MTAP: variants seen among roughly 807,000 people sequenced by gnomAD.
MTAP encodes the protein S-methyl-5'-thioadenosine phosphorylase.
In MTAP, 33 loss-of-function variants were observed where a neutral mutation model predicts 33.6. The ratio of observed to expected loss-of-function variants is 0.98; its 90% CI spans 0.74 to 1.31. The LOEUF (loss-of-function observed/expected upper bound fraction) is 1.31, where lower values mean the gene tolerates loss of function less well. MTAP is among the 40% of genes most tolerant of loss of function. The pLI is 0.00. For missense variants in MTAP, 367 were observed against 360.0 expected (o/e 1.02, Z -0.16); for synonymous variants, 148 against 125.7 (o/e 1.18, Z -1.19).
intron 1 of MTAP, among the ~76,000 whole-genome samples, chr9:21,917,801 C>T (rs1259518219): frequency 6.6e-6 from 1 of 152,200 alleles, no homozygotes; most frequent in Admixed American, 6.5e-5. Flanking sequence ...ATGTTTATAG[C>T]AGCACAATTA....
chr9:21,802,871 G>C, intron 1 of MTAP, 90 bp downstream of exon 1: 1 of 1,547,912 alleles, frequency 6.5e-7, no homozygotes, highest in Non-Finnish European at 8.7e-7. Context: ...GGGGCCATGC[G>C]CCCGGCCCGT....
intron 1 of MTAP, chr9:21,803,034 A>ACACACACACACACACACG: frequency 9.8e-7 from 1 of 1,021,470 alleles, no homozygotes; most frequent in Non-Finnish European, 1.3e-6. Context: ...ACACACACAC[A>ACACACACACACACACACG]CACCACCTTT....
chr9:21,875,350 A>G (rs939795383), intron 1 of MTAP, among the ~76,000 whole-genome samples: 1 of 152,078 alleles, frequency 6.6e-6, no homozygotes, highest in African/African-American at 2.4e-5. Flanking sequence ...ATGACCAGTG[A>G]TGTTGAGCTT....
At chr9:21,852,676 A>C (rs1825544992) in intron 5 of MTAP, among the ~76,000 whole-genome samples, 1 of 151,758 alleles carries the variant, frequency 6.6e-6, no homozygotes, top group African/African-American at 2.4e-5. Context: ...ACATCACAAT[A>C]AACCACTTGC....
At chr9:21,939,933 G>A (rs969664550), downstream of MTAP, among the ~76,000 whole-genome samples, 2 of 152,010 alleles carry the variant, frequency 1.3e-5, no homozygotes, top group Middle Eastern at 3.4e-3. Context: ...TAGAAACACT[G>A]GTTATATTAC....
chr9:21,879,738 C>G (rs552014701), intron 1 of MTAP, among the ~76,000 whole-genome samples: 2 of 152,226 alleles, frequency 1.3e-5, no homozygotes, highest in East Asian at 3.9e-4. Context: ...TGGTAACAAA[C>G]TCCCTCAACA....
chr9:21,811,329 A>T (rs1323739178), intron 1 of MTAP, among the ~76,000 whole-genome samples: 1 of 152,192 alleles, frequency 6.6e-6, no homozygotes, highest in African/African-American at 2.4e-5. Context: ...AGGGGTTACT[A>T]TGCACCCTTT....
In MTAP at chr9:21,837,998, C is replaced by T. The variant is rs17852351; in HGVS notation, c.438C>T (p.Pro146=). ...CHIPMAEPFC[P]KTREVLIETA... ...TTCCAATGGCTGAGCCGTTTTGCCC[C>T]AAAACGAGAGAGGTGTGTAGTCTTT... The change falls in exon 5 of 8, where the codon CCC becomes CCT. Residue 146 remains proline (P), a synonymous_variant. Transcript: ENST00000644715. The T allele has an allele frequency of 1.9e-6, 3 of 1,613,798 alleles. No individual in the cohort carries two copies. In the East Asian group the frequency reaches 6.7e-5, roughly 36 times the overall value.
chr9:21,863,906 C>T lies in MTAP; in HGVS notation c.*1892C>T. The T allele has an allele frequency of 1.0e-6, 1 of 985,750 alleles. No homozygotes were observed. The highest frequency in any genetic ancestry group is 1.2e-6 in the Non-Finnish European group (1 of 829,922). The allele number at this position is 985,750 out of a possible 1,614,324, so 61.1% of individuals were successfully genotyped here. On this transcript the variant is annotated 3_prime_UTR_variant, in exon 8 of 8. Transcript: ENST00000644715. ...CCATTTGGGTCAAGTATGATTATGA[C>T]CCTTGGACTTCCTGATGTAGTATTA...
Position 21,862,913 on chromosome 9 carries a change from AGTT to A in MTAP, c.*905_*907del. 2.1e-6 allele frequency: 2 copies of A among 964,658 alleles called. No individual in the cohort carries two copies. The highest frequency in any genetic ancestry group is 4.8e-5 in the South Asian group (1 of 20,774). The allele number at this position is 964,658 out of a possible 1,614,324, so 59.8% of individuals were successfully genotyped here. ...TACAGTGAATTTAATCAAATAGTAAAGTTGTTGTAAAAATAAAAGTGGATTTAG... is the reference window on the plus strand; with the variant it reads ...TACAGTGAATTTAATCAAATAGTAAAGTTGTAAAAATAAAAGTGGATTTAG... On this transcript the variant is annotated 3_prime_UTR_variant, in exon 8 of 8. Coordinates refer to ENST00000644715, the MANE Select transcript of MTAP (RefSeq NM_002451.4).
At chr9:21,829,318 C>T (rs1425827763) in intron 4 of MTAP, among the ~76,000 whole-genome samples, 1 of 151,526 alleles carries the variant, frequency 6.6e-6, no homozygotes, top group African/African-American at 2.4e-5. Flanking sequence ...CATCTTGACT[C>T]TGTTTGGCCC....
intron 4 of MTAP, among the ~76,000 whole-genome samples, chr9:21,831,408 C>T (rs1824963830): frequency 6.6e-6 from 1 of 152,128 alleles, no homozygotes; most frequent in Admixed American, 6.5e-5. Context: ...CTGATCGCAG[C>T]TCACTGTAGC....
intron 1 of MTAP, among the ~76,000 whole-genome samples, chr9:21,875,632 A>C (rs1244566326): frequency 6.6e-6 from 1 of 152,026 alleles, no homozygotes; most frequent in Non-Finnish European, 1.5e-5. Flanking sequence ...TTATAAGTGA[A>C]AACGTGTGGT....
At chr9:21,882,246 C>G (rs1046113805) in intron 1 of MTAP, among the ~76,000 whole-genome samples, 1 of 151,692 alleles carries the variant, frequency 6.6e-6, no homozygotes, top group Admixed American at 6.6e-5. Flanking sequence ...GAAGGAAAAC[C>G]TTTTTAAGGT....
At chr9:21,842,622 A>C (rs1202805511) in intron 5 of MTAP, among the ~76,000 whole-genome samples, 1 of 152,198 alleles carries the variant, frequency 6.6e-6, no homozygotes, top group Non-Finnish European at 1.5e-5. Context: ...CTTGAAACAA[A>C]ATTATTCTCA....
chr9:21,938,157 C>T (rs1819070591), downstream of MTAP, among the ~76,000 whole-genome samples: 1 of 152,004 alleles, frequency 6.6e-6, no homozygotes, highest in Non-Finnish European at 1.5e-5. Context: ...GCCTGTAGTT[C>T]CAGTTACTTG....
downstream of MTAP, chr9:21,940,913 A>C (rs1819128051): frequency 1.4e-6 from 1 of 693,914 alleles, no homozygotes; most frequent in South Asian, 6.5e-5. Context: ...TTCTTCCCCC[A>C]ACCCCCAGAA....
chr9:21,905,145 T>C (rs975376832), intron 1 of MTAP, among the ~76,000 whole-genome samples: 1 of 152,072 alleles, frequency 6.6e-6, no homozygotes, highest in African/African-American at 2.4e-5. Flanking sequence ...GGACAGAGGG[T>C]TTTCTGTATC....
rs1825825228 is a variant in MTAP at position 21,864,832 on chromosome 9, A to T, written c.*2818A>T. On this transcript the variant is annotated 3_prime_UTR_variant, in exon 8 of 8. Transcript: ENST00000644715. ...GTGAGCCTGCTCTGGCATCCACAGG[A>T]TGCTCCTGGAGCCTCTTCTCTGGCT... 1 of 985,348 alleles carries T rather than the reference A, an allele frequency of 1.0e-6. No homozygotes were observed. Among genetic ancestry groups the T allele is most frequent in the South Asian group, 4.7e-5 (1 of 21,292 alleles). The allele number at this position is 985,348 out of a possible 1,614,324, so 61.0% of individuals were successfully genotyped here.
Sources: allele counts gnomAD v4.1 joint callset (sites outside exome capture counted in the v4.1 genomes callset), GRCh38; gene constraint gnomAD v4.1.1; transcripts MANE v1.5; gene names NCBI Gene and HGNC (gene_info 2026-07-23, HGNC 2026-07-21).